The following GALNT17 variants were observed in gnomAD, a reference collection of about 807,000 sequenced individuals.
GALNT17 encodes polypeptide N-acetylgalactosaminyltransferase 17, also known as UDP-GalNAc:polypeptide N-acetylgalactosaminyltransferase-like 3.
A neutral mutation model predicts 63.7 loss-of-function variants in GALNT17; 29 were observed. That is an observed-to-expected ratio of 0.46 (90% CI 0.34 to 0.62). The LOEUF (loss-of-function observed/expected upper bound fraction) is 0.62. Ranked by LOEUF, GALNT17 falls within the 20% of genes least tolerant of loss-of-function variation. GALNT17 has a pLI of 0.01. For synonymous variants in GALNT17, 305 were observed against 318.3 expected (o/e 0.96, Z 0.45); for missense variants, 603 against 799.6 (o/e 0.75, Z 2.97).
At chr7:71,166,709 C>T (rs1162788884) in intron 1 of GALNT17, among the ~76,000 whole-genome samples, 1 of 152,156 alleles carries the variant, frequency 6.6e-6, no homozygotes, top group African/African-American at 2.4e-5. Flanking sequence ...TATGGCTATA[C>T]CACAGTTTGT....
rs1355518281 is a variant in GALNT17 at position 71,504,888 on chromosome 7, G to T, written c.963-66397G>T. Reference sequence around the variant, plus strand: ...TGCACCTCTGCTGCAGCTACCCGAGGTCATACCATTGTCATCTCTCCCCTG... The same window carrying T: ...TGCACCTCTGCTGCAGCTACCCGAGTTCATACCATTGTCATCTCTCCCCTG... On this transcript the variant is annotated intron_variant, in intron 5 of 10. Coordinates refer to ENST00000333538, the MANE Select transcript of GALNT17 (RefSeq NM_022479.3). Among the ~76,000 whole-genome samples, 7 of 152,078 alleles carry T rather than the reference G, an allele frequency of 4.6e-5. No homozygotes were observed. In the East Asian group the frequency reaches 1.4e-3, roughly 29 times the overall value.
chr7:71,223,632 C>T (rs1215280629), intron 1 of GALNT17, among the ~76,000 whole-genome samples: 2 of 152,006 alleles, frequency 1.3e-5, no homozygotes, highest in African/African-American at 2.4e-5. Flanking sequence ...GGGGGCTTGT[C>T]GTACAGATTA....
At chr7:71,694,146 T>G (rs2117100528) in intron 9 of GALNT17, among the ~76,000 whole-genome samples, 1 of 152,090 alleles carries the variant, frequency 6.6e-6, no homozygotes, top group South Asian at 2.1e-4. Context: ...AAACTCCCCT[T>G]TATAAAACCA....
intron 1 of GALNT17, among the ~76,000 whole-genome samples, chr7:71,309,384 C>T (rs932932198): frequency 6.6e-6 from 1 of 152,082 alleles, no homozygotes; most frequent in East Asian, 1.9e-4. Context: ...AGTTGAGGCA[C>T]ACGCTTTCCC....
intron 3 of GALNT17, 87 bp downstream of exon 3, chr7:71,388,488 G>A (rs1792991421): frequency 6.8e-7 from 1 of 1,480,436 alleles, no homozygotes; most frequent in Admixed American, 2.0e-5. Context: ...GAGCATCTGT[G>A]TCTCCTGGTC....
chr7:71,457,626 T>A (rs541869598), intron 5 of GALNT17, among the ~76,000 whole-genome samples: 4 of 152,286 alleles, frequency 2.6e-5, no homozygotes, highest in African/African-American at 9.6e-5. Flanking sequence ...TATAGGGTAA[T>A]TTGCTGTCAT....
intron 1 of GALNT17, among the ~76,000 whole-genome samples, chr7:71,322,224 G>A (rs954229442): frequency 6.6e-6 from 1 of 152,020 alleles, no homozygotes; most frequent in Admixed American, 6.6e-5. Flanking sequence ...AAAGTGCTGG[G>A]ATTACAGGTG....
intron 8 of GALNT17, among the ~76,000 whole-genome samples, chr7:71,676,764 T>A (rs1554322754): frequency 6.6e-6 from 1 of 152,198 alleles, no homozygotes; most frequent in Non-Finnish European, 1.5e-5. Context: ...TTAAAACCAA[T>A]GTCGGTGCTG....
intron 5 of GALNT17, among the ~76,000 whole-genome samples, chr7:71,523,601 A>G (rs1197224771): frequency 6.6e-6 from 1 of 151,870 alleles, no homozygotes; most frequent in African/African-American, 2.4e-5. Flanking sequence ...CAAAAACTTT[A>G]AAAATTAGTG....
rs146949988 is a variant in GALNT17, at chr7:71,596,806, C to A, written c.1080+25404C>A. On this transcript the variant is annotated intron_variant, in intron 6 of 10. Transcript: ENST00000333538. ...TGGTGATCAGGGCCCATCTTCCCTG[C>A]AATAAGGGACCCTAGCAACACTCAG... Among the ~76,000 whole-genome samples the A allele has an allele frequency of 3.1e-3, 477 of 152,068 alleles. 3 individuals are homozygous for A. Among genetic ancestry groups the A allele is most frequent in the Middle Eastern group, 0.017 (5 of 294 alleles).
chr7:71,231,585 A>T (rs569050733), intron 1 of GALNT17, among the ~76,000 whole-genome samples: 1 of 152,184 alleles, frequency 6.6e-6, no homozygotes, highest in African/African-American at 2.4e-5. Context: ...AAAGACAAAG[A>T]TCAGGGTGCC....
At chr7:71,690,899 T>G (rs1791434339) in intron 9 of GALNT17, among the ~76,000 whole-genome samples, 1 of 152,174 alleles carries the variant, frequency 6.6e-6, no homozygotes. Flanking sequence ...AAGACAGTGG[T>G]CTCTTGAGAT....
At chr7:71,377,828 C>T (rs1278637936) in intron 2 of GALNT17, among the ~76,000 whole-genome samples, 1 of 152,142 alleles carries the variant, frequency 6.6e-6, no homozygotes, top group Non-Finnish European at 1.5e-5. Context: ...GAAGTCCCTC[C>T]TTCCTTCTCT....
At chr7:71,311,529 T>G (rs1302348160) in intron 1 of GALNT17, among the ~76,000 whole-genome samples, 1 of 152,158 alleles carries the variant, frequency 6.6e-6, no homozygotes, top group Admixed American at 6.5e-5. Context: ...AGAATTTTTT[T>G]TAAAAAAACC....
Position 71,279,270 on chromosome 7 carries a change from C to A in GALNT17, c.239-56280C>A, listed in dbSNP as rs374166366. Among the ~76,000 whole-genome samples, 25 of 152,060 alleles carry A rather than the reference C, an allele frequency of 1.6e-4. No homozygotes were observed. In the South Asian group the frequency reaches 5.2e-3, roughly 32 times the overall value. On this transcript the variant is annotated intron_variant, in intron 1 of 10. Coordinates refer to ENST00000333538, the MANE Select transcript of GALNT17 (RefSeq NM_022479.3). ...CCTAATCTAGTATTTCTTCTTATGG[C>A]AGCAGGAAGAAGTGTTGAGCAAAAG...
At chr7:71,299,102 C>A (rs1046098628) in intron 1 of GALNT17, among the ~76,000 whole-genome samples, 2 of 152,038 alleles carry the variant, frequency 1.3e-5, no homozygotes, top group African/African-American at 4.8e-5. Flanking sequence ...ACCAGTAAGG[C>A]TTTTAGACCA....
intron 5 of GALNT17, among the ~76,000 whole-genome samples, chr7:71,522,625 A>G (rs1788550231): frequency 6.6e-6 from 1 of 152,174 alleles, no homozygotes; most frequent in African/African-American, 2.4e-5. Flanking sequence ...CCCTCCCATA[A>G]CATGTGGGAA....
chr7:71,684,011 A>G (rs1199584740), intron 9 of GALNT17, among the ~76,000 whole-genome samples: 1 of 146,648 alleles, frequency 6.8e-6, no homozygotes, highest in Non-Finnish European at 1.5e-5. Context: ...TCTGTCTCAA[A>G]AAAAAAAAAA....
At chr7:71,438,397 A>G (rs370348688) in intron 5 of GALNT17, among the ~76,000 whole-genome samples, 10 of 152,288 alleles carry the variant, frequency 6.6e-5, no homozygotes, top group Non-Finnish European at 1.0e-4. Flanking sequence ...GCCCACCCAG[A>G]TTAAGGGTGA....
Sources: allele counts gnomAD v4.1 joint callset (sites outside exome capture counted in the v4.1 genomes callset), GRCh38; gene constraint gnomAD v4.1.1; transcripts MANE v1.5; gene names NCBI Gene and HGNC (gene_info 2026-07-23, HGNC 2026-07-21).